The following FHIT variants were observed in gnomAD, a reference collection of about 807,000 sequenced individuals.
FHIT encodes the protein fragile histidine triad diadenosine triphosphatase.
FHIT carries 19 observed loss-of-function variants against 17.9 expected under a neutral mutation model. That is an observed-to-expected ratio of 1.06 (90% CI 0.74 to 1.56). FHIT has a LOEUF of 1.56. FHIT is among the 40% of genes most tolerant of loss of function. The pLI, the probability that FHIT is intolerant of heterozygous loss-of-function variation, is 0.00. For synonymous variants in FHIT, 81 were observed against 69.7 expected, an observed-to-expected ratio of 1.16 and a Z score of -0.81; for missense variants, 248 against 189.2, an observed-to-expected ratio of 1.31 and a Z score of -1.82.
At chr3:59,986,518 T>A (rs368998710) in intron 7 of FHIT, among the ~76,000 whole-genome samples, 7 of 49,858 alleles carry the variant, frequency 1.4e-4, no homozygotes, top group Admixed American at 3.5e-4. Flanking sequence ...TATATATATA[T>A]ATATATATAT....
chr3:59,840,100 G>A (rs1701476277), intron 8 of FHIT, among the ~76,000 whole-genome samples: 1 of 152,172 alleles, frequency 6.6e-6, no homozygotes, highest in Admixed American at 6.5e-5. Context: ...CTGTCACTCT[G>A]TGGGCTATGT....
chr3:60,449,033 G>C (rs2031538751), intron 5 of FHIT, among the ~76,000 whole-genome samples: 1 of 152,110 alleles, frequency 6.6e-6, no homozygotes, highest in African/African-American at 2.4e-5. Context: ...CTTGAATAAA[G>C]ATCACTCACT....
intron 8 of FHIT, among the ~76,000 whole-genome samples, chr3:59,874,429 T>C (rs1176030037): frequency 1.3e-5 from 2 of 152,194 alleles, no homozygotes; most frequent in Admixed American, 6.5e-5. Flanking sequence ...AATTGGAGGT[T>C]ACTGAGCCCC....
intron 4 of FHIT, among the ~76,000 whole-genome samples, chr3:60,764,007 C>T (rs1699757288): frequency 6.6e-6 from 1 of 152,140 alleles, no homozygotes; most frequent in South Asian, 2.1e-4. Flanking sequence ...GTATTATTAA[C>T]TCCATTTCAC....
At chr3:60,194,387 TAGAAGA>T (rs1267078134) in intron 5 of FHIT, among the ~76,000 whole-genome samples, 2 of 152,170 alleles carry the variant, frequency 1.3e-5, no homozygotes, top group Non-Finnish European at 2.9e-5. Flanking sequence ...TAGCCCCATG[TAGAAGA>T]ATTAAACGGG....
chr3:60,920,665 G>A (rs1405620376), intron 3 of FHIT, among the ~76,000 whole-genome samples: 1 of 152,104 alleles, frequency 6.6e-6, no homozygotes, highest in South Asian at 2.1e-4. Flanking sequence ...CATATTCCAC[G>A]ATCAACATGT....
At chr3:60,449,104 C>T (rs28562847) in intron 5 of FHIT, among the ~76,000 whole-genome samples, 27,137 of 152,082 alleles carry the variant, frequency 0.18, 2,643 homozygotes, top group Admixed American at 0.29. Flanking sequence ...TCCCAGAATG[C>T]GGCTGTTAAC....
intron 1 of FHIT, among the ~76,000 whole-genome samples, chr3:61,223,309 A>G (rs986101098): frequency 1.3e-5 from 2 of 152,156 alleles, no homozygotes; most frequent in African/African-American, 4.8e-5. Context: ...AGGACTGACC[A>G]TGCTCCAGAA....
At chr3:61,095,561 C>G (rs1397571819) in intron 2 of FHIT, among the ~76,000 whole-genome samples, 3 of 152,194 alleles carry the variant, frequency 2.0e-5, no homozygotes, top group African/African-American at 7.2e-5. Context: ...CGAAGAATGA[C>G]TCTGTAGGCA....
rs536362463 is a variant in FHIT, at chr3:61,018,935, C to G, written c.-111+23112G>C. Reference sequence around the variant, plus strand: ...ACTGATAAACCTGAAAGATAATAAACTGGACAGACTAGCACTGAGATTCTA... The same window carrying G: ...ACTGATAAACCTGAAAGATAATAAAGTGGACAGACTAGCACTGAGATTCTA... On this transcript the variant is annotated intron_variant, in intron 3 of 9. Transcript: ENST00000492590. Among the ~76,000 whole-genome samples, 345 of 152,224 alleles carry G rather than the reference C, an allele frequency of 2.3e-3. 1 individual carries two copies. Among genetic ancestry groups the G allele is most frequent in the African/African-American group, 7.8e-3 (326 of 41,544 alleles).
chr3:60,743,141 A>T (rs143830041), intron 4 of FHIT, among the ~76,000 whole-genome samples: 2 of 152,136 alleles, frequency 1.3e-5, no homozygotes, highest in African/African-American at 4.8e-5. Context: ...CAGAATCTAC[A>T]CTGCAGCTGG....
chr3:60,753,725 A>C (rs535996970), intron 4 of FHIT, among the ~76,000 whole-genome samples: 1 of 152,312 alleles, frequency 6.6e-6, no homozygotes, highest in Non-Finnish European at 1.5e-5. Flanking sequence ...GATGAAAACA[A>C]AAGAAGAAAG....
At chr3:60,040,160 T>TA (rs1000382875) in intron 5 of FHIT, among the ~76,000 whole-genome samples, 4 of 151,782 alleles carry the variant, frequency 2.6e-5, no homozygotes, top group Non-Finnish European at 4.4e-5. Flanking sequence ...TTTATTTATT[T>TA]TTTTGAGACA....
At chr3:61,004,052 C>T (rs961694843) in intron 3 of FHIT, among the ~76,000 whole-genome samples, 2 of 151,852 alleles carry the variant, frequency 1.3e-5, no homozygotes, top group African/African-American at 2.4e-5. Context: ...CAGTGGTGTA[C>T]TTGTGTTGAG....
At chr3:60,507,939 T>A (rs1210973926) in intron 5 of FHIT, among the ~76,000 whole-genome samples, 1 of 152,204 alleles carries the variant, frequency 6.6e-6, no homozygotes. Context: ...AGCATTTAGG[T>A]TGATTCTATA....
chr3:60,663,767 G>T (rs889462748), intron 4 of FHIT, among the ~76,000 whole-genome samples: 12 of 152,024 alleles, frequency 7.9e-5, no homozygotes, highest in African/African-American at 2.9e-4. Context: ...ATTTTCTTTG[G>T]AACTATTGTA....
chr3:60,221,101 C>A (rs1222393778), intron 5 of FHIT, among the ~76,000 whole-genome samples: 1 of 152,144 alleles, frequency 6.6e-6, no homozygotes, highest in Non-Finnish European at 1.5e-5. Flanking sequence ...ATGTGCCCTA[C>A]AGCTCACAAG....
intron 1 of FHIT, among the ~76,000 whole-genome samples, chr3:61,202,450 G>C (rs6787595): frequency 0.43 from 65,378 of 151,284 alleles, 14,466 homozygotes; most frequent in East Asian, 0.58. Flanking sequence ...AGCCTTGTGT[G>C]TGATCTTTTC....
At chr3:59,796,428 T>G (rs182382193) in intron 8 of FHIT, among the ~76,000 whole-genome samples, 1 of 152,256 alleles carries the variant, frequency 6.6e-6, no homozygotes, top group East Asian at 1.9e-4. Flanking sequence ...TTCATGTACG[T>G]TCTTCTTCTG....
Sources: gnomAD v4.1 joint callset for allele counts (sites outside exome capture counted in the v4.1 genomes callset) on GRCh38, gnomAD v4.1.1 for gene constraint, MANE v1.5 for transcripts, NCBI Gene and HGNC (gene_info 2026-07-23, HGNC 2026-07-21) for gene names.